ZNF385D: variants seen among roughly 807,000 people sequenced by gnomAD.
ZNF385D encodes the protein zinc finger protein 659.
ZNF385D carries 15 observed loss-of-function variants against 35.8 expected under a neutral mutation model. That is an observed-to-expected ratio of 0.42 (90% CI 0.28 to 0.64). The LOEUF (loss-of-function observed/expected upper bound fraction) is 0.64, where lower values mean the gene tolerates loss of function less well. Among genes scored for constraint, ZNF385D ranks in the 30% least tolerant of loss-of-function variants. ZNF385D has a pLI of 0.23. For missense variants in ZNF385D, 474 were observed against 494.6 expected (o/e 0.96, Z 0.39); for synonymous variants, 212 against 186.8 (o/e 1.13, Z -1.10).
intron 2 of ZNF385D, among the ~76,000 whole-genome samples, chr3:22,205,209 A>G (rs1313422867): frequency 1.3e-5 from 2 of 151,780 alleles, no homozygotes; most frequent in East Asian, 1.9e-4. Flanking sequence ...AGAGAGTGAC[A>G]TGACAGGTTT....
chr3:22,282,031 T>C lies in ZNF385D; in HGVS notation c.106+90419A>G, dbSNP rs1038459732. ...TCCTCTAAGTTTTCTAGTTTATGCG[T>C]GTAAAGGTGTTTATAGTAGCCTTGG... On this transcript the variant is annotated intron_variant, in intron 2 of 5. Transcript: ENST00000494108. Among the ~76,000 whole-genome samples the C allele has an allele frequency of 5.3e-5, 8 of 152,052 alleles. No homozygotes were observed. In the South Asian group the frequency reaches 1.7e-3, roughly 31 times the overall value.
chr3:22,107,166 G>A (rs1702270117), intron 3 of ZNF385D, among the ~76,000 whole-genome samples: 1 of 151,738 alleles, frequency 6.6e-6, no homozygotes, highest in African/African-American at 2.4e-5. Context: ...TGGGATTACA[G>A]GCATGTGCCA....
chr3:21,468,180 G>A lies in ZNF385D; in HGVS notation c.440-30977C>T, dbSNP rs538699603. ...AACACTCTGGGAGGCTGAGGCGGGC[G>A]GATCACAAGGTCAGAAGTTTGAGAT... On this transcript the variant is annotated intron_variant, in intron 4 of 7. Transcript: ENST00000281523. Among the ~76,000 whole-genome samples, 12 of 151,912 alleles carry A rather than the reference G, an allele frequency of 7.9e-5. No homozygotes were observed. In the East Asian group the frequency reaches 9.7e-4, roughly 12 times the overall value.
intron 3 of ZNF385D, among the ~76,000 whole-genome samples, chr3:22,028,908 T>C (rs1407267127): frequency 6.6e-6 from 1 of 152,138 alleles, no homozygotes; most frequent in Non-Finnish European, 1.5e-5. Context: ...TAGAAGACCA[T>C]GTGTGCTCTG....
rs137988973 is a variant in ZNF385D at position 21,866,828 on chromosome 3, T to A, written c.326-201800A>T. Among the ~76,000 whole-genome samples the A allele has an allele frequency of 2.3e-3, 353 of 152,278 alleles. 1 individual carries two copies. The highest frequency in any genetic ancestry group is 8.0e-3 in the African/African-American group (331 of 41,578). ...ATCAATAATTAGAATCATCAGGTAGTGATTAAAATACAAAGGCCTGCCTAG... is the reference window on the plus strand; with the variant it reads ...ATCAATAATTAGAATCATCAGGTAGAGATTAAAATACAAAGGCCTGCCTAG... On this transcript the variant is annotated intron_variant, in intron 3 of 5. Transcript: ENST00000494108.
chr3:21,606,113 A>G (rs1395859059), intron 2 of ZNF385D, among the ~76,000 whole-genome samples: 1 of 152,158 alleles, frequency 6.6e-6, no homozygotes, highest in Non-Finnish European at 1.5e-5. Flanking sequence ...AGGGACTGAG[A>G]TGAGAGAAGT....
At chr3:22,031,522 C>T (rs1169651044) in intron 3 of ZNF385D, among the ~76,000 whole-genome samples, 2 of 152,172 alleles carry the variant, frequency 1.3e-5, no homozygotes, top group Admixed American at 6.5e-5. Flanking sequence ...CTTTTAGCCA[C>T]GGCTGGAGTT....
intron 2 of ZNF385D, among the ~76,000 whole-genome samples, chr3:22,299,451 C>G (rs62247266): frequency 0.56 from 84,138 of 151,330 alleles, 23,789 homozygotes; most frequent in South Asian, 0.67. Flanking sequence ...AACTATAAAA[C>G]AAATCATAAT....
intron 4 of ZNF385D, among the ~76,000 whole-genome samples, chr3:21,461,923 A>T (rs753251089): frequency 3.3e-4 from 50 of 152,012 alleles, no homozygotes; most frequent in African/African-American, 1.1e-3. Flanking sequence ...GCACTTAAGT[A>T]TCTGACTTAG....
intron 3 of ZNF385D, among the ~76,000 whole-genome samples, chr3:21,862,944 C>G (rs574696988): frequency 6.6e-6 from 1 of 152,158 alleles, no homozygotes; most frequent in African/African-American, 2.4e-5. Context: ...TCCCACTCCA[C>G]TTGATTTAGT....
chr3:21,431,866 A>G (rs1701306435), intron 5 of ZNF385D, among the ~76,000 whole-genome samples: 2 of 152,310 alleles, frequency 1.3e-5, no homozygotes, highest in Admixed American at 6.5e-5. Flanking sequence ...TGAGCTTTTC[A>G]CATGAAGCAA....
intron 3 of ZNF385D, among the ~76,000 whole-genome samples, chr3:22,079,568 G>T (rs555020383): frequency 1.1e-4 from 17 of 151,874 alleles, no homozygotes; most frequent in Non-Finnish European, 2.2e-4. Context: ...TCACCATTTC[G>T]CAAAGCAGGT....
At chr3:21,538,076 C>T (rs2062079201) in intron 3 of ZNF385D, among the ~76,000 whole-genome samples, 1 of 151,940 alleles carries the variant, frequency 6.6e-6, no homozygotes, top group Admixed American at 6.6e-5. Flanking sequence ...GTAAGAATGA[C>T]TCCAATATGT....
intron 3 of ZNF385D, among the ~76,000 whole-genome samples, chr3:21,966,201 G>T (rs184921037): frequency 1.3e-5 from 2 of 152,110 alleles, no homozygotes; most frequent in African/African-American, 2.4e-5. Flanking sequence ...TTATAGTATA[G>T]GACTTTAGGT....
chr3:21,950,020 T>C (rs1440838766), intron 3 of ZNF385D, among the ~76,000 whole-genome samples: 3 of 152,194 alleles, frequency 2.0e-5, no homozygotes, highest in Non-Finnish European at 2.9e-5. Flanking sequence ...TAAACATATG[T>C]GTGCACATGT....
intron 3 of ZNF385D, among the ~76,000 whole-genome samples, chr3:21,938,794 T>G (rs1056972358): frequency 1.3e-5 from 2 of 152,220 alleles, no homozygotes; most frequent in African/African-American, 4.8e-5. Context: ...AAGGCTATTA[T>G]CCCACAAAGT....
At chr3:22,311,007 A>G (rs1269346299) in intron 2 of ZNF385D, among the ~76,000 whole-genome samples, 1 of 151,840 alleles carries the variant, frequency 6.6e-6, no homozygotes, top group Admixed American at 6.6e-5. Context: ...GTATCATACG[A>G]TGAATTGAAT....
At chr3:22,312,757 T>C (rs1703640045) in intron 2 of ZNF385D, among the ~76,000 whole-genome samples, 1 of 148,544 alleles carries the variant, frequency 6.7e-6, no homozygotes, top group Non-Finnish European at 1.5e-5. Context: ...AAACAACAGG[T>C]GCTGGAGAGG....
At chr3:21,722,419 G>C (rs2068581957) in intron 1 of ZNF385D, among the ~76,000 whole-genome samples, 2 of 152,272 alleles carry the variant, frequency 1.3e-5, no homozygotes, top group African/African-American at 2.4e-5. Context: ...CTAGTGCTTA[G>C]GTCTTGTTTG....
Sources: allele counts gnomAD v4.1 joint callset (sites outside exome capture counted in the v4.1 genomes callset), GRCh38; gene constraint gnomAD v4.1.1; transcripts MANE v1.5; gene names NCBI Gene and HGNC (gene_info 2026-07-23, HGNC 2026-07-21).